SFXN1: variants seen among roughly 807,000 people sequenced by gnomAD.
The protein encoded by SFXN1 is sideroflexin 1, also known as sideroflexin-1.
A neutral mutation model predicts 39.5 loss-of-function variants in SFXN1; 32 were observed. The ratio of observed to expected loss-of-function variants is 0.81; its 90% CI spans 0.61 to 1.09. SFXN1 has a LOEUF of 1.09. Among genes scored for constraint, SFXN1 ranks in the 50% least tolerant of loss-of-function variants. SFXN1 has a pLI of 0.00. For synonymous variants in SFXN1, 136 were observed against 146.5 expected, an observed-to-expected ratio of 0.93 and a Z score of 0.52; for missense variants, 402 against 407.1, an observed-to-expected ratio of 0.99 and a Z score of 0.11.
At chr5:175,511,659 A>G in intron 5 of SFXN1, 133 bp downstream of exon 5, 1 of 737,044 alleles carries the variant, frequency 1.4e-6, no homozygotes, top group Non-Finnish European at 2.3e-6. Flanking sequence ...CTTCAGCTGC[A>G]TATTTTAGTT....
intron 10 of SFXN1, 83 bp downstream of exon 10, chr5:175,522,505 C>A: frequency 1.5e-6 from 2 of 1,373,402 alleles, no homozygotes; most frequent in Non-Finnish European, 2.0e-6. Context: ...TATTCCATTT[C>A]ATTGGCAGGG....
intron 8 of SFXN1, 29 bp downstream of exon 8, chr5:175,516,692 C>T: frequency 6.2e-7 from 1 of 1,605,756 alleles, no homozygotes; most frequent in Non-Finnish European, 8.5e-7. Flanking sequence ...GTCATTTTCT[C>T]AACCCTTTTT....
At chr5:175,500,891 G>C (rs1457189815) in intron 2 of SFXN1, among the ~76,000 whole-genome samples, 2 of 152,112 alleles carry the variant, frequency 1.3e-5, no homozygotes, top group Non-Finnish European at 2.9e-5. Context: ...TCTGTTCAAT[G>C]AATAGTTCTG....
At chr5:175,492,060 G>T (rs376802277) in intron 1 of SFXN1, 35 bp from the exon 2 acceptor site, 6 of 1,560,426 alleles carry the variant, frequency 3.8e-6, no homozygotes, top group African/African-American at 1.4e-5. Context: ...GACATTGTAA[G>T]CCTTACACGA....
At chr5:175,522,610 C>G in intron 10 of SFXN1, 188 bp downstream of exon 10, 1 of 520,558 alleles carries the variant, frequency 1.9e-6, no homozygotes, top group East Asian at 3.1e-5. Context: ...TCAGATGCAC[C>G]CAGCTCTTTT....
chr5:175,483,323 GGCATCA>G (rs1375084698), intron 1 of SFXN1, among the ~76,000 whole-genome samples: 1 of 152,064 alleles, frequency 6.6e-6, no homozygotes, highest in East Asian at 1.9e-4. Context: ...TAGCATAAGT[GGCATCA>G]GCCAACCACA....
chr5:175,492,553 T>C (rs1477881880), intron 2 of SFXN1: 1 of 250,750 alleles, frequency 4.0e-6, no homozygotes, highest in Non-Finnish European at 7.6e-6. Flanking sequence ...TGTTCTCCGA[T>C]AGCACCACCA....
In SFXN1 at chr5:175,526,785, G is replaced by A. The variant is rs371193392; in HGVS notation, c.*51G>A. On this transcript the variant is annotated 3_prime_UTR_variant, in exon 11 of 11. Transcript: ENST00000321442. ...ATTCTGCCACTGCAAAGCTGGTGTA[G>A]CCATGCTGGTGAGAAAAATCCTGTT... 121 of 1,481,054 alleles carry A rather than the reference G, an allele frequency of 8.2e-5. No homozygotes were observed. The African/African-American group carries it at 1.6e-3, about 19-fold the overall frequency. 91.7% of individuals were successfully genotyped at this position (1,481,054 alleles called of 1,614,324 possible).
rs765194922 is a variant in SFXN1, at chr5:175,513,587, A to T, written c.721A>T (p.Met241Leu). 22 of 1,613,430 alleles carry T rather than the reference A, an allele frequency of 1.4e-5. No homozygotes were observed. Among genetic ancestry groups the T allele is most frequent in the Non-Finnish European group, 1.7e-5 (20 of 1,179,714 alleles). Residue 241 changes from methionine to leucine, a missense_variant, in exon 7 of 11, where the codon ATG becomes TTG. Physicochemically the swap from Met to Leu is conservative, Grantham distance 15. Transcript: ENST00000321442. ...CAGGATTCTCATGGCAGCCCCTGGC[A>T]TGGGTTAGCAGGACTTTGTCATTTA... The part of the protein sequence containing the change: ...VSRILMAAPG[M>L]AIPPFIMNTL...
intron 1 of SFXN1, among the ~76,000 whole-genome samples, chr5:175,481,716 C>G (rs1759258606): frequency 6.6e-6 from 1 of 152,224 alleles, no homozygotes; most frequent in Non-Finnish European, 1.5e-5. Context: ...CTTCCTGATG[C>G]TAGGCAGGCC....
intron 1 of SFXN1, among the ~76,000 whole-genome samples, chr5:175,489,881 C>T (rs1350985792): frequency 6.6e-6 from 1 of 152,224 alleles, no homozygotes; most frequent in Non-Finnish European, 1.5e-5. Context: ...TCCCCGCACC[C>T]TTCTCTACCC....
Position 175,488,761 on chromosome 5 carries a change from T to A in SFXN1, c.-9-3334T>A, listed in dbSNP as rs144194250. Among the ~76,000 whole-genome samples, 98 of 152,316 alleles carry A rather than the reference T, an allele frequency of 6.4e-4. No homozygotes were observed. The East Asian group carries it at 0.015, about 24-fold the overall frequency. ...CGTGCCTTGACTACACTGGACATGG[T>A]GGCAGATGCCTGTAGTCCTAGCTAA... On this transcript the variant is annotated intron_variant, in intron 1 of 10. Coordinates refer to ENST00000321442, the MANE Select transcript of SFXN1 (RefSeq NM_022754.7).
chr5:175,518,132 G>A lies in SFXN1; in HGVS notation c.774+1469G>A, dbSNP rs1183860093. 5.3e-5 allele frequency among the ~76,000 whole-genome samples: 8 copies of A among 152,044 alleles called. No homozygotes were observed. In the East Asian group the frequency reaches 5.8e-4, roughly 11 times the overall value. On this transcript the variant is annotated intron_variant, in intron 8 of 10. Transcript: ENST00000321442. ...TTTGCAGTAAACCAAGAAGTTCACC[G>A]CCTAAAATCTGGTGCTTCTGTGAAC...
chr5:175,501,063 A>ATTTTTT (rs531862744), intron 2 of SFXN1, among the ~76,000 whole-genome samples: 10 of 116,088 alleles, frequency 8.6e-5, no homozygotes, highest in African/African-American at 2.9e-4. Context: ...ATGGGCAAAG[A>ATTTTTT]TTTTTTTTTT....
intron 10 of SFXN1, chr5:175,524,125 A>AATATATATATATAT (rs771042074): frequency 6.2e-5 from 2 of 32,510 alleles, no homozygotes; most frequent in African/African-American, 1.5e-4. Context: ...AAAAAAAAAA[A>AATATATATATATAT]ATATATATAT....
intron 1 of SFXN1, among the ~76,000 whole-genome samples, chr5:175,484,495 A>C (rs1466595749): frequency 6.6e-6 from 1 of 152,192 alleles, no homozygotes; most frequent in Admixed American, 6.6e-5. Context: ...CAGCAGGTGC[A>C]CGCCGGAATG....
chr5:175,496,417 T>G (rs1272566585), intron 2 of SFXN1, among the ~76,000 whole-genome samples: 1 of 151,804 alleles, frequency 6.6e-6, no homozygotes, highest in Non-Finnish European at 1.5e-5. Flanking sequence ...AGCCCTAGAT[T>G]ATAGTGTCAA....
intron 2 of SFXN1, among the ~76,000 whole-genome samples, chr5:175,499,573 A>G (rs1254302275): frequency 6.6e-6 from 1 of 152,220 alleles, no homozygotes; most frequent in Non-Finnish European, 1.5e-5. Flanking sequence ...TATCATATCA[A>G]TAGATGCAGA....
intron 2 of SFXN1, among the ~76,000 whole-genome samples, chr5:175,500,180 T>C (rs949530873): frequency 6.6e-6 from 1 of 151,766 alleles, no homozygotes; most frequent in Non-Finnish European, 1.5e-5. Context: ...AAGAGAAAAC[T>C]CTGTCTCAAA....
Sources: gnomAD v4.1 joint callset for allele counts (sites outside exome capture counted in the v4.1 genomes callset) on GRCh38, gnomAD v4.1.1 for gene constraint, MANE v1.5 for transcripts, NCBI Gene and HGNC (gene_info 2026-07-23, HGNC 2026-07-21) for gene names.